Variants in HDAC9 observed in about 807,000 individuals in gnomAD.
HDAC9 encodes the protein MEF-2 interacting transcription repressor (MITR) protein.
Under a neutral mutation model 139.4 loss-of-function variants are expected in HDAC9, and 41 were observed. The observed-to-expected ratio is 0.29, with a 90% CI of 0.23 to 0.38. HDAC9 has a LOEUF of 0.38. Among genes scored for constraint, HDAC9 ranks in the 10% least tolerant of loss-of-function variants. The pLI, the probability that HDAC9 is intolerant of heterozygous loss-of-function variation, is 1.00. For synonymous variants in HDAC9, 517 were observed against 476.2 expected, an observed-to-expected ratio of 1.09 and a Z score of -1.12; for missense variants, 1,147 against 1,297.0, an observed-to-expected ratio of 0.88 and a Z score of 1.78.
chr7:18,717,849 A>T (rs1159786136), intron 12 of HDAC9, among the ~76,000 whole-genome samples: 3 of 152,212 alleles, frequency 2.0e-5, no homozygotes, highest in Non-Finnish European at 4.4e-5. Context: ...AAACATGCAC[A>T]CCAATAGAAA....
chr7:18,854,664 AG>A (rs1797544022), intron 21 of HDAC9, among the ~76,000 whole-genome samples: 1 of 152,128 alleles, frequency 6.6e-6, no homozygotes, highest in Admixed American at 6.6e-5. Context: ...GGATGCTAAA[AG>A]AAAAAAATAC....
intron 1 of HDAC9, among the ~76,000 whole-genome samples, chr7:18,454,709 C>T (rs557188325): frequency 6.6e-6 from 1 of 151,976 alleles, no homozygotes; most frequent in African/African-American, 2.4e-5. Flanking sequence ...TTATCTTATA[C>T]CTTGTTATGC....
At chr7:18,896,769 G>A (rs537179263) in intron 22 of HDAC9, among the ~76,000 whole-genome samples, 6 of 152,128 alleles carry the variant, frequency 3.9e-5, no homozygotes, top group South Asian at 4.1e-4. Context: ...CGGGTCACAC[G>A]CCACTCCTGT....
chr7:18,940,647 A>G (rs1781964385), intron 23 of HDAC9, among the ~76,000 whole-genome samples: 1 of 152,180 alleles, frequency 6.6e-6, no homozygotes, highest in African/African-American at 2.4e-5. Context: ...AGAATTCATA[A>G]TAGAAACATC....
chr7:18,238,452 G>A lies in HDAC9; in HGVS notation c.25+76103G>A, dbSNP rs374822655. On this transcript the variant is annotated intron_variant, in intron 2 of 12. Coordinates refer to the HDAC9 transcript ENST00000417496. Reference sequence around the variant, plus strand: ...CTGGTTGCCACACATTAACACTAGCGTAGTGGGAGGTTCCTCCAGTATTTC... The same window carrying A: ...CTGGTTGCCACACATTAACACTAGCATAGTGGGAGGTTCCTCCAGTATTTC... 2.5e-4 allele frequency among the ~76,000 whole-genome samples: 38 copies of A among 152,294 alleles called. No individual in the cohort carries two copies. In the South Asian group the frequency reaches 5.0e-3, roughly 20 times the overall value.
At chr7:18,764,122 G>T (rs1375367200) in intron 15 of HDAC9, among the ~76,000 whole-genome samples, 2 of 151,966 alleles carry the variant, frequency 1.3e-5, no homozygotes, top group Non-Finnish European at 2.9e-5. Context: ...TAAATTTGAT[G>T]ATTTTAAAAT....
At chr7:18,816,221 C>T (rs1794552617) in intron 17 of HDAC9, among the ~76,000 whole-genome samples, 1 of 152,182 alleles carries the variant, frequency 6.6e-6, no homozygotes. Flanking sequence ...CTTTAGTAGA[C>T]ATATGCATTT....
intron 21 of HDAC9, among the ~76,000 whole-genome samples, chr7:18,849,779 C>T (rs1001369943): frequency 2.6e-5 from 4 of 152,070 alleles, no homozygotes; most frequent in African/African-American, 7.2e-5. Flanking sequence ...AAGCACACCC[C>T]GAAATAAGAC....
At chr7:18,234,546 AT>A (rs1258506170) in intron 2 of HDAC9, among the ~76,000 whole-genome samples, 2 of 152,224 alleles carry the variant, frequency 1.3e-5, no homozygotes, top group Non-Finnish European at 2.9e-5. Flanking sequence ...TGTACAACTC[AT>A]TTAATATGCC....
intron 2 of HDAC9, among the ~76,000 whole-genome samples, chr7:18,524,499 TACA>T (rs1218236721): frequency 6.6e-6 from 1 of 152,166 alleles, no homozygotes; most frequent in Non-Finnish European, 1.5e-5. Context: ...AAGACAATCA[TACA>T]ACATGTACAA....
At chr7:18,689,055 A>G (rs1263950609) in intron 12 of HDAC9, among the ~76,000 whole-genome samples, 3 of 152,018 alleles carry the variant, frequency 2.0e-5, no homozygotes, top group Non-Finnish European at 4.4e-5. Flanking sequence ...AAACTACCAA[A>G]TGGGAGCAGA....
chr7:18,346,903 T>C (rs1217008918), intron 1 of HDAC9, among the ~76,000 whole-genome samples: 1 of 152,180 alleles, frequency 6.6e-6, no homozygotes, highest in African/African-American at 2.4e-5. Context: ...AATCCACCAC[T>C]TTGTTTTCTA....
chr7:18,308,066 C>T (rs1192952752), intron 1 of HDAC9, among the ~76,000 whole-genome samples: 1 of 152,096 alleles, frequency 6.6e-6, no homozygotes, highest in East Asian at 1.9e-4. Flanking sequence ...GAAAGTGTTA[C>T]AAATATAAAA....
chr7:18,668,101 A>T, intron 12 of HDAC9: 6 of 937,620 alleles, frequency 6.4e-6, no homozygotes, highest in Non-Finnish European at 7.6e-6. Flanking sequence ...TTTTGCTGTG[A>T]CATTTAAAAA....
chr7:18,228,211 A>G (rs1793201314), intron 2 of HDAC9, among the ~76,000 whole-genome samples: 1 of 152,176 alleles, frequency 6.6e-6, no homozygotes, highest in African/African-American at 2.4e-5. Flanking sequence ...TAATACTCCA[A>G]GAATTACTAT....
At chr7:18,258,368 G>A (rs1795417277) in intron 2 of HDAC9, among the ~76,000 whole-genome samples, 1 of 152,080 alleles carries the variant, frequency 6.6e-6, no homozygotes, top group Non-Finnish European at 1.5e-5. Context: ...GGGAACCGGT[G>A]GTGTTTGGTT....
rs562772002 is a variant in HDAC9 at position 18,170,912 on chromosome 7, T to G, written c.25+8563T>G. 1.2e-4 allele frequency among the ~76,000 whole-genome samples: 19 copies of G among 152,290 alleles called. No homozygotes were observed. In the South Asian group the frequency reaches 3.7e-3, roughly 30 times the overall value. ...CCAGCTTTGTTCTTTTGGCTTAGGA[T>G]TGTCTTGGCAATGCGGGCTCTTTTT... On this transcript the variant is annotated intron_variant, in intron 2 of 12. Transcript: ENST00000417496.
At chr7:18,342,170 G>A (rs1045352484) in intron 1 of HDAC9, among the ~76,000 whole-genome samples, 3 of 151,810 alleles carry the variant, frequency 2.0e-5, no homozygotes, top group African/African-American at 7.3e-5. Context: ...GTATAGGCCT[G>A]GAATTCTCTG....
chr7:18,255,165 T>A (rs1795150621), intron 2 of HDAC9, among the ~76,000 whole-genome samples: 2 of 152,162 alleles, frequency 1.3e-5, no homozygotes, highest in Non-Finnish European at 2.9e-5. Context: ...GCCCAGTAGG[T>A]GTTTTCAGGA....
Sources: gnomAD v4.1 joint callset for allele counts (sites outside exome capture counted in the v4.1 genomes callset) on GRCh38, gnomAD v4.1.1 for gene constraint, MANE v1.5 for transcripts, NCBI Gene and HGNC (gene_info 2026-07-23, HGNC 2026-07-21) for gene names.